MMP16: variants seen among roughly 807,000 people sequenced by gnomAD.
The protein encoded by MMP16 is matrix metallopeptidase 16, also known as matrix metalloproteinase-16.
In MMP16, 12 loss-of-function variants were observed where a neutral mutation model predicts 67.8. That is an observed-to-expected ratio of 0.18 (90% CI 0.11 to 0.29). The LOEUF is 0.29. Among genes scored for constraint, MMP16 ranks in the 10% least tolerant of loss-of-function variants. MMP16 has a pLI of 1.00. For synonymous variants in MMP16, 249 were observed against 255.9 expected (o/e 0.97, Z 0.26); for missense variants, 475 against 765.7 (o/e 0.62, Z 4.48).
chr8:88,296,279 T>G (rs951939128), intron 1 of MMP16, among the ~76,000 whole-genome samples: 5 of 152,176 alleles, frequency 3.3e-5, no homozygotes, highest in African/African-American at 1.2e-4. Flanking sequence ...TTAAAGTGCA[T>G]CTTATTGGTT....
intron 4 of MMP16, among the ~76,000 whole-genome samples, chr8:88,131,576 T>C (rs562542619): frequency 4.2e-4 from 63 of 151,782 alleles, no homozygotes; most frequent in Non-Finnish European, 7.8e-4. Flanking sequence ...TCCTATACCA[T>C]ATTAATGGAG....
At chr8:88,161,759 T>C (rs1808627941) in intron 4 of MMP16, among the ~76,000 whole-genome samples, 1 of 152,180 alleles carries the variant, frequency 6.6e-6, no homozygotes. Flanking sequence ...GTGTCTTTGT[T>C]CTCGTTGGTT....
At chr8:88,224,191 A>C (rs987456859) in intron 1 of MMP16, among the ~76,000 whole-genome samples, 2 of 152,042 alleles carry the variant, frequency 1.3e-5, no homozygotes, top group African/African-American at 4.8e-5. Context: ...AGCCTTGACT[A>C]ATAAGAAAAT....
intron 9 of MMP16, among the ~76,000 whole-genome samples, chr8:88,046,179 A>G (rs972773472): frequency 3.9e-5 from 6 of 152,100 alleles, no homozygotes; most frequent in Non-Finnish European, 5.9e-5. Flanking sequence ...TTATTATACC[A>G]TCATACATCC....
chr8:88,113,075 T>C (rs1447486010), intron 6 of MMP16, among the ~76,000 whole-genome samples: 2 of 151,866 alleles, frequency 1.3e-5, no homozygotes, highest in East Asian at 1.9e-4. Context: ...AGTTTGATTA[T>C]GCATTTCTTA....
rs541673066 is a variant in MMP16, at chr8:88,323,217, C to A, written c.132+3858G>T. 1.5e-4 allele frequency among the ~76,000 whole-genome samples: 23 copies of A among 152,098 alleles called. 1 individual carries two copies. The South Asian group carries it at 4.8e-3, about 32-fold the overall frequency. ...AGAACAAGAGAAAAGCAACAGTGTCCCAACATAAGAATGTAAAATTCTATA... is the reference window on the plus strand; with the variant it reads ...AGAACAAGAGAAAAGCAACAGTGTCACAACATAAGAATGTAAAATTCTATA... On this transcript the variant is annotated intron_variant, in intron 1 of 9. Coordinates refer to ENST00000286614, the MANE Select transcript of MMP16 (RefSeq NM_005941.5).
chr8:88,221,223 G>A (rs1809677374), intron 1 of MMP16, among the ~76,000 whole-genome samples: 1 of 152,076 alleles, frequency 6.6e-6, no homozygotes, highest in African/African-American at 2.4e-5. Context: ...AGCCAGGCAG[G>A]TTTGTTTTCT....
chr8:88,301,490 A>G (rs1216182465), intron 1 of MMP16, among the ~76,000 whole-genome samples: 1 of 152,216 alleles, frequency 6.6e-6, no homozygotes, highest in Non-Finnish European at 1.5e-5. Flanking sequence ...ACATGTAAGA[A>G]GCTGATTTAT....
chr8:88,244,789 T>C (rs991088291), intron 1 of MMP16, among the ~76,000 whole-genome samples: 1 of 152,218 alleles, frequency 6.6e-6, no homozygotes, highest in African/African-American at 2.4e-5. Flanking sequence ...CATAGACATG[T>C]ACAAAATTAT....
At chr8:88,140,572 A>C (rs1197005278) in intron 4 of MMP16, among the ~76,000 whole-genome samples, 1 of 152,136 alleles carries the variant, frequency 6.6e-6, no homozygotes, top group African/African-American at 2.4e-5. Flanking sequence ...TCAATTATGG[A>C]AACTGGGAAG....
At chr8:88,307,193 T>C (rs1811223397) in intron 1 of MMP16, among the ~76,000 whole-genome samples, 1 of 152,100 alleles carries the variant, frequency 6.6e-6, no homozygotes, top group African/African-American at 2.4e-5. Context: ...CCCCATACTT[T>C]CCTGGTGCAC....
intron 1 of MMP16, among the ~76,000 whole-genome samples, chr8:88,277,646 T>C (rs918994371): frequency 1.4e-4 from 21 of 152,222 alleles, no homozygotes; most frequent in Admixed American, 1.3e-3. Flanking sequence ...TTATGGTTAC[T>C]TAACTATTAC....
At chr8:88,275,705 T>C (rs1443214482) in intron 1 of MMP16, among the ~76,000 whole-genome samples, 1 of 151,910 alleles carries the variant, frequency 6.6e-6, no homozygotes, top group Non-Finnish European at 1.5e-5. Flanking sequence ...ATATATTACT[T>C]AATATCAAAA....
intron 1 of MMP16, among the ~76,000 whole-genome samples, chr8:88,204,988 C>A (rs1012655084): frequency 6.6e-6 from 1 of 152,210 alleles, no homozygotes. Flanking sequence ...TTGCTGCTTT[C>A]CTCCACAGAA....
chr8:88,088,381 A>G (rs1028437667), intron 6 of MMP16, among the ~76,000 whole-genome samples: 2 of 152,000 alleles, frequency 1.3e-5, no homozygotes, highest in Non-Finnish European at 2.9e-5. Context: ...GGAATGTGCC[A>G]TAGGGAAAGA....
intron 2 of MMP16, among the ~76,000 whole-genome samples, chr8:88,188,277 T>C (rs1409421939): frequency 6.6e-6 from 1 of 152,224 alleles, no homozygotes; most frequent in Non-Finnish European, 1.5e-5. Context: ...GTATTAATTA[T>C]AGTCTCAAAA....
chr8:88,239,211 C>G (rs1404612719), intron 1 of MMP16, among the ~76,000 whole-genome samples: 1 of 138,764 alleles, frequency 7.2e-6, no homozygotes, highest in African/African-American at 2.7e-5. Context: ...AGGAGGATCG[C>G]TGGAACCCAG....
Position 88,041,619 on chromosome 8 carries a change from C to T in MMP16, c.1666G>A (p.Asp556Asn). The change falls in exon 10 of 10, where the codon GAC becomes AAC. Residue 556 changes from aspartate to asparagine, a missense_variant. Asp to Asn is a conservative substitution (Grantham distance 23). This residue lies in a region of MMP16 where 80 missense variants were observed against 93.4 expected (regional missense o/e 0.86). Coordinates refer to ENST00000286614, the MANE Select transcript of MMP16 (RefSeq NM_005941.5). The surrounding 1 kb of genome is among the most constrained non-coding windows in gnomAD (Gnocchi z 6.0). Reference sequence around the variant, plus strand: ...GCTTTCACAGTGCTGGCTGTGTTGTCCAGTTTGATGACAATGTCTACATCA... The same window carrying T: ...GCTTTCACAGTGCTGGCTGTGTTGTTCAGTTTGATGACAATGTCTACATCA... ...PDDVDIVIKL[D>N]NTASTVKAIA... is the part of the protein sequence containing the mutation. The T allele has an allele frequency of 1.9e-6, 3 of 1,614,096 alleles. No individual in the cohort carries two copies. The highest frequency in any genetic ancestry group is 2.5e-6 in the Non-Finnish European group (3 of 1,180,012).
chr8:88,268,465 A>G (rs546937716), intron 1 of MMP16, among the ~76,000 whole-genome samples: 9 of 152,360 alleles, frequency 5.9e-5, no homozygotes, highest in African/African-American at 2.2e-4. Context: ...TTCAAGGAAT[A>G]TGTATTCTAG....
Sources: allele counts gnomAD v4.1 joint callset (sites outside exome capture counted in the v4.1 genomes callset), GRCh38; gene constraint gnomAD v4.1.1; regional missense constraint gnomAD v4.1.1; non-coding constraint Gnocchi (gnomAD v3.1); transcripts MANE v1.5; gene names NCBI Gene and HGNC (gene_info 2026-07-23, HGNC 2026-07-21).